Variants in FILIP1L observed in about 807,000 individuals in gnomAD.
The protein encoded by FILIP1L is filamin A interacting protein 1 like.
Under a neutral mutation model 96.6 loss-of-function variants are expected in FILIP1L, and 55 were observed. The observed-to-expected ratio is 0.57, with a 90% confidence interval of 0.46 to 0.71. FILIP1L has a LOEUF of 0.71. Among genes scored for constraint, FILIP1L ranks in the 30% least tolerant of loss-of-function variants. The pLI is 0.00. For synonymous variants in FILIP1L, 467 were observed against 473.9 expected, an observed-to-expected ratio of 0.99 and a Z score of 0.19; for missense variants, 1,304 against 1,321.2, an observed-to-expected ratio of 0.99 and a Z score of 0.20.
At chr3:99,987,635 C>T (rs1042414943) in intron 1 of FILIP1L, among the ~76,000 whole-genome samples, 1 of 151,866 alleles carries the variant, frequency 6.6e-6, no homozygotes, top group African/African-American at 2.4e-5. Context: ...AAATAGAAAG[C>T]CACATGTCTG....
At chr3:100,073,603 T>C (rs142768890) in intron 1 of FILIP1L, among the ~76,000 whole-genome samples, 78 of 152,254 alleles carry the variant, frequency 5.1e-4, no homozygotes, top group African/African-American at 1.8e-3. Flanking sequence ...AATATCTTCA[T>C]TTAGCACATT....
chr3:100,038,809 A>G (rs932355707), intron 1 of FILIP1L, among the ~76,000 whole-genome samples: 1 of 152,108 alleles, frequency 6.6e-6, no homozygotes, highest in Non-Finnish European at 1.5e-5. Flanking sequence ...GCTGCTCCTT[A>G]TGTACTGATA....
chr3:100,035,010 G>A (rs1250442966), intron 1 of FILIP1L, among the ~76,000 whole-genome samples: 3 of 152,136 alleles, frequency 2.0e-5, no homozygotes, highest in Non-Finnish European at 4.4e-5. Flanking sequence ...CATGTAGTCA[G>A]CAAAATGCTA....
Position 99,850,628 on chromosome 3 carries a change from C to T in FILIP1L, c.1048G>A (p.Glu350Lys). 1 of 1,614,012 alleles carries T rather than the reference C, an allele frequency of 6.2e-7. No individual in the cohort carries two copies. Among genetic ancestry groups the T allele is most frequent in the Non-Finnish European group, 8.5e-7 (1 of 1,180,012 alleles). ...TNRSLRKAEEELQDIKEKISK... is the reference protein window; with the variant it reads ...TNRSLRKAEEKLQDIKEKISK... ...ATTTTTTCTTTTATATCTTGCAGCTCCTCTTCTGCTTTTCGTAAAGACCTG... is the reference window on the plus strand; with the variant it reads ...ATTTTTTCTTTTATATCTTGCAGCTTCTCTTCTGCTTTTCGTAAAGACCTG... Residue 350 changes from glutamate to lysine, a missense_variant, in exon 5 of 6, where the codon GAG (glutamate) becomes AAG (lysine). Coordinates refer to ENST00000477258, the MANE Select transcript of FILIP1L (RefSeq NM_001387850.1).
chr3:99,928,226 A>C (rs1380706588), intron 3 of FILIP1L, among the ~76,000 whole-genome samples: 1 of 152,026 alleles, frequency 6.6e-6, no homozygotes, highest in East Asian at 1.9e-4. Flanking sequence ...ATTCCCCTTC[A>C]CTGTTTATTT....
At chr3:99,877,138 C>T (rs1705562748) in intron 4 of FILIP1L, among the ~76,000 whole-genome samples, 1 of 152,172 alleles carries the variant, frequency 6.6e-6, no homozygotes, top group South Asian at 2.1e-4. Flanking sequence ...ACCTAAAGTT[C>T]TAGCCCAACT....
chr3:99,927,974 C>G (rs1339209602), intron 3 of FILIP1L, among the ~76,000 whole-genome samples: 1 of 152,106 alleles, frequency 6.6e-6, no homozygotes, highest in African/African-American at 2.4e-5. Flanking sequence ...TTAGATAAAT[C>G]ACCTCTAGTT....
intron 1 of FILIP1L, among the ~76,000 whole-genome samples, chr3:100,058,130 C>T (rs537040108): frequency 6.6e-6 from 1 of 152,324 alleles, no homozygotes; most frequent in Admixed American, 6.5e-5. Flanking sequence ...TTTCCTAGGG[C>T]TCCACATTTA....
intron 1 of FILIP1L, among the ~76,000 whole-genome samples, chr3:100,004,558 T>C (rs1709934781): frequency 6.6e-6 from 1 of 152,122 alleles, no homozygotes. Flanking sequence ...ATAGTTGTAG[T>C]CAATTATAAG....
At chr3:100,077,590 A>G (rs1160552432) in intron 1 of FILIP1L, among the ~76,000 whole-genome samples, 1 of 152,232 alleles carries the variant, frequency 6.6e-6, no homozygotes, top group Non-Finnish European at 1.5e-5. Flanking sequence ...AAGAATTAAC[A>G]TAGTAAAACA....
chr3:99,986,119 G>GA (rs951483534), intron 1 of FILIP1L, among the ~76,000 whole-genome samples: 21 of 151,964 alleles, frequency 1.4e-4, no homozygotes, highest in African/African-American at 4.8e-4. Context: ...GTTATAAGAG[G>GA]AAAAAAGATA....
chr3:99,927,816 C>T (rs1030143310), intron 3 of FILIP1L, among the ~76,000 whole-genome samples: 3 of 152,140 alleles, frequency 2.0e-5, no homozygotes, highest in South Asian at 2.1e-4. Flanking sequence ...CCTCTTCCCG[C>T]CCTCTTGACC....
intron 1 of FILIP1L, among the ~76,000 whole-genome samples, chr3:100,037,339 T>G (rs1025697889): frequency 6.6e-6 from 1 of 152,152 alleles, no homozygotes; most frequent in African/African-American, 2.4e-5. Flanking sequence ...TGGTAAAAAT[T>G]TTAATAACTG....
chr3:100,006,351 A>G (rs1407035103), intron 1 of FILIP1L, among the ~76,000 whole-genome samples: 2 of 152,116 alleles, frequency 1.3e-5, no homozygotes, highest in African/African-American at 2.4e-5. Flanking sequence ...CATGAGTGGA[A>G]TAGTTAGGTA....
At chr3:99,868,591 T>G (rs1366990162) in intron 4 of FILIP1L, among the ~76,000 whole-genome samples, 2 of 152,258 alleles carry the variant, frequency 1.3e-5, no homozygotes, top group Non-Finnish European at 2.9e-5. Flanking sequence ...GCTGCCTTCC[T>G]TTCTGCATAA....
chr3:100,101,934 T>C (rs1235406366), intron 1 of FILIP1L, among the ~76,000 whole-genome samples: 1 of 152,178 alleles, frequency 6.6e-6, no homozygotes, highest in African/African-American at 2.4e-5. Flanking sequence ...TCCATGTCCC[T>C]ACAAAGGACA....
At chr3:100,065,292 A>G (rs940904188) in intron 1 of FILIP1L, among the ~76,000 whole-genome samples, 1 of 152,172 alleles carries the variant, frequency 6.6e-6, no homozygotes, top group Non-Finnish European at 1.5e-5. Flanking sequence ...TTTTCCTGCT[A>G]TAGTTTGAGA....
At chr3:100,066,988 T>TCC (rs2065676643) in intron 1 of FILIP1L, among the ~76,000 whole-genome samples, 1 of 152,202 alleles carries the variant, frequency 6.6e-6, no homozygotes, top group Non-Finnish European at 1.5e-5. Context: ...AAAATGTGTG[T>TCC]CCCATACACA....
chr3:99,931,059 C>G, intron 1 of FILIP1L, 29 bp from the exon 2 acceptor site: 1 of 1,595,290 alleles, frequency 6.3e-7, no homozygotes, highest in Middle Eastern at 1.7e-4. Context: ...ATTTGTAAAG[C>G]TTAATGGAAA....
Sources: gnomAD v4.1 joint callset for allele counts (sites outside exome capture counted in the v4.1 genomes callset) on GRCh38, gnomAD v4.1.1 for gene constraint, MANE v1.5 for transcripts, NCBI Gene and HGNC (gene_info 2026-07-23, HGNC 2026-07-21) for gene names.